HFM1: variants seen among roughly 807,000 people sequenced by gnomAD.
HFM1 encodes the protein helicase for meiosis 1.
Under a neutral mutation model 192.1 loss-of-function variants are expected in HFM1, and 169 were observed. The ratio of observed to expected loss-of-function variants is 0.88; its 90% CI spans 0.78 to 1.00. HFM1 has a LOEUF of 1.00. Among genes scored for constraint, HFM1 ranks in the 50% least tolerant of loss-of-function variants. The pLI is 0.00. For synonymous variants in HFM1, 525 were observed against 537.8 expected, an observed-to-expected ratio of 0.98 and a Z score of 0.33; for missense variants, 1,661 against 1,668.0, an observed-to-expected ratio of 1.00 and a Z score of 0.07.
At chr1:91,393,933 A>G (rs1281167241) in intron 4 of HFM1, among the ~76,000 whole-genome samples, 160 bp downstream of exon 4, 2 of 152,112 alleles carry the variant, frequency 1.3e-5, no homozygotes, top group Non-Finnish European at 2.9e-5. Context: ...TATGTGTAGG[A>G]CCAGGACTAT....
At chr1:91,311,596 A>C (rs1157696945) in intron 30 of HFM1, among the ~76,000 whole-genome samples, 1 of 151,718 alleles carries the variant, frequency 6.6e-6, no homozygotes, top group Non-Finnish European at 1.5e-5. Flanking sequence ...ACTGCACTCC[A>C]GCCTGGGTGA....
Position 91,396,280 on chromosome 1 carries a change from T to C in HFM1, c.184+13A>G, listed in dbSNP as rs756107149. ...TATGGGTTTGGCTTCAAAACAAATA[T>C]GTGATAATTTACCTAACAGTTTATG... On this transcript the variant is annotated intron_variant, in intron 3 of 38. Coordinates refer to ENST00000370425, the MANE Select transcript of HFM1 (RefSeq NM_001017975.6). The C allele has an allele frequency of 6.2e-6, 8 of 1,295,988 alleles. No individual in the cohort carries two copies. Among genetic ancestry groups the C allele is most frequent in the African/African-American group, 2.9e-5 (2 of 68,378 alleles). 80.3% of individuals were successfully genotyped at this position (1,295,988 alleles called of 1,614,324 possible).
chr1:91,356,137 T>C (rs1020245590), intron 13 of HFM1, among the ~76,000 whole-genome samples: 8 of 151,516 alleles, frequency 5.3e-5, no homozygotes, highest in African/African-American at 1.9e-4. Context: ...AAACAATCAA[T>C]GGTCAAAGAA....
chr1:91,387,071 T>A (rs970740920), intron 4 of HFM1, among the ~76,000 whole-genome samples: 3 of 152,208 alleles, frequency 2.0e-5, no homozygotes, highest in Non-Finnish European at 4.4e-5. Flanking sequence ...GTTCACAATA[T>A]CCCTAAGGGA....
intron 30 of HFM1, among the ~76,000 whole-genome samples, chr1:91,304,798 T>C (rs1649374058): frequency 1.3e-5 from 2 of 152,088 alleles, no homozygotes; most frequent in Admixed American, 6.6e-5. Flanking sequence ...GTTTTAAGTT[T>C]TACCTTTAGG....
chr1:91,330,589 C>T (rs1453495226), intron 20 of HFM1, among the ~76,000 whole-genome samples: 1 of 152,168 alleles, frequency 6.6e-6, no homozygotes, highest in Non-Finnish European at 1.5e-5. Context: ...AGAACTACCA[C>T]AAATCCTGCT....
chr1:91,380,045 T>G (rs959450268), intron 8 of HFM1, 59 bp downstream of exon 8: 53 of 787,640 alleles, frequency 6.7e-5, no homozygotes, highest in Non-Finnish European at 9.1e-5. Context: ...ATTTCTTCAT[T>G]TTGCTTCAAT....
chr1:91,362,772 CT>C lies in HFM1; in HGVS notation c.1686-9474del, dbSNP rs548999574. 5.3e-5 allele frequency among the ~76,000 whole-genome samples: 8 copies of C among 152,250 alleles called. No individual in the cohort carries two copies. The East Asian group carries it at 1.5e-3, about 29-fold the overall frequency. On this transcript the variant is annotated intron_variant, in intron 13 of 38. Coordinates refer to ENST00000370425, the MANE Select transcript of HFM1 (RefSeq NM_001017975.6). ...AAGCTGGAGGTATCATTCTACCCAT[CT>C]TCAAACTATACTATTATAGTAACCA...
At chr1:91,302,808 A>T (rs1024286070) in intron 30 of HFM1, among the ~76,000 whole-genome samples, 1 of 151,830 alleles carries the variant, frequency 6.6e-6, no homozygotes, top group Non-Finnish European at 1.5e-5. Context: ...GGGAAGGGAT[A>T]GCATTAGGAG....
At chr1:91,312,847 A>T (rs1650666529) in intron 30 of HFM1, among the ~76,000 whole-genome samples, 1 of 151,992 alleles carries the variant, frequency 6.6e-6, no homozygotes, top group African/African-American at 2.4e-5. Flanking sequence ...TGTGGGAGGG[A>T]CCCAGGGGGA....
At chr1:91,275,408 A>G (rs1173449392) in intron 32 of HFM1, among the ~76,000 whole-genome samples, 1 of 152,098 alleles carries the variant, frequency 6.6e-6, no homozygotes, top group Non-Finnish European at 1.5e-5. Flanking sequence ...TCAAATTTCT[A>G]CTTCTCGCTC....
intron 1 of HFM1, among the ~76,000 whole-genome samples, chr1:91,403,661 A>G (rs1256456079): frequency 1.3e-5 from 2 of 152,186 alleles, no homozygotes; most frequent in Non-Finnish European, 2.9e-5. Flanking sequence ...CAAACACAAT[A>G]AACAATATCA....
At position 91,293,291 on chromosome 1, in the gene HFM1, G is replaced by A. The variant is rs925996639; in HGVS notation, c.3392-16229C>T. On this transcript the variant is annotated intron_variant, in intron 30 of 38. Coordinates refer to ENST00000370425, the MANE Select transcript of HFM1 (RefSeq NM_001017975.6). The stretch of plus-strand genomic sequence containing the variant: ...ACCTACAGAATGGGAGAAAATTTTC[G>A]CAACCTACTCATCTGACAAAGGGCT... Among the ~76,000 whole-genome samples, 508 of 152,086 alleles carry A rather than the reference G, an allele frequency of 3.3e-3. 6 individuals carry two copies. The highest frequency in any genetic ancestry group is 0.012 in the African/African-American group (478 of 41,474).
chr1:91,276,597 G>T, intron 32 of HFM1, 31 bp downstream of exon 32: 1 of 1,079,534 alleles, frequency 9.3e-7, no homozygotes, highest in South Asian at 1.5e-5. Flanking sequence ...TTTAACTACA[G>T]AACAATGGGA....
intron 23 of HFM1, among the ~76,000 whole-genome samples, chr1:91,321,435 C>G (rs925474667): frequency 8.2e-6 from 1 of 121,830 alleles, no homozygotes; most frequent in African/African-American, 3.2e-5. Flanking sequence ...CAGTGTGACA[C>G]TCTGTCTCAA....
chr1:91,383,004 G>A (rs1449965901), intron 6 of HFM1, among the ~76,000 whole-genome samples: 2 of 152,166 alleles, frequency 1.3e-5, no homozygotes, highest in African/African-American at 4.8e-5. Context: ...AGAAAATAAG[G>A]TGTGTCCAAG....
At chr1:91,337,682 T>C (rs909179883) in intron 20 of HFM1, among the ~76,000 whole-genome samples, 1 of 152,168 alleles carries the variant, frequency 6.6e-6, no homozygotes, top group South Asian at 2.1e-4. Context: ...CTGCAGATAC[T>C]GGGAGATCCA....
At chr1:91,311,905 T>A (rs544537853) in intron 30 of HFM1, among the ~76,000 whole-genome samples, 4 of 152,292 alleles carry the variant, frequency 2.6e-5, no homozygotes, top group African/African-American at 9.6e-5. Flanking sequence ...TTTGGTGTCC[T>A]ATGTCCCAGC....
intron 2 of HFM1, among the ~76,000 whole-genome samples, chr1:91,399,630 T>A (rs1244136493): frequency 6.6e-6 from 1 of 152,180 alleles, no homozygotes; most frequent in Admixed American, 6.5e-5. Flanking sequence ...GTACCATGAA[T>A]GTCCTATCTC....
Sources: allele counts gnomAD v4.1 joint callset (sites outside exome capture counted in the v4.1 genomes callset), GRCh38; gene constraint gnomAD v4.1.1; transcripts MANE v1.5; gene names NCBI Gene and HGNC (gene_info 2026-07-23, HGNC 2026-07-21).